The following DCTN6 variants were observed in gnomAD, a reference collection of about 807,000 sequenced individuals.
DCTN6 encodes dynactin 6.
Under a neutral mutation model 25.8 loss-of-function variants are expected in DCTN6, and 15 were observed. The observed-to-expected ratio is 0.58, with a 90% CI of 0.39 to 0.89. DCTN6 has a LOEUF of 0.89. DCTN6 is among the 40% of genes least tolerant of loss of function. The probability of loss-of-function intolerance (pLI) is 0.00; values close to 1 mark genes in which losing one functional copy is unlikely to be tolerated. For missense variants in DCTN6, 198 were observed against 237.6 expected (o/e 0.83, Z 1.09); for synonymous variants, 64 against 78.3 (o/e 0.82, Z 0.96).
chr8:30,158,540 G>A (rs1160452259), intron 1 of DCTN6, among the ~76,000 whole-genome samples: 1 of 151,990 alleles, frequency 6.6e-6, no homozygotes, highest in East Asian at 1.9e-4. Context: ...GATGCCCCAG[G>A]AATGAACTCT....
chr8:30,170,664 CAG>C, intron 2 of DCTN6, among the ~76,000 whole-genome samples: 1 of 150,000 alleles, frequency 6.7e-6, no homozygotes, highest in African/African-American at 2.5e-5. Context: ...TTTTTTGAGA[CAG>C]AGTCTCACTT....
In DCTN6 at chr8:30,162,073, CACAA is replaced by C. The variant is rs1413691047; in HGVS notation, c.24-2034_24-2031del. Among the ~76,000 whole-genome samples the C allele has an allele frequency of 7.4e-5, 11 of 149,464 alleles. No individual in the cohort carries two copies. In the South Asian group the frequency reaches 8.5e-4, roughly 12 times the overall value. On this transcript the variant is annotated intron_variant, in intron 1 of 6. Coordinates refer to ENST00000221114, the MANE Select transcript of DCTN6 (RefSeq NM_006571.4). Reference sequence around the variant, plus strand: ...TAATATTTTTACATAAGCATTCTTGCACAAACATTTACACCTTTCTTTTCTTTTC... The same window carrying C: ...TAATATTTTTACATAAGCATTCTTGCACATTTACACCTTTCTTTTCTTTTC...
chr8:30,174,525 G>A (rs1436257768), intron 2 of DCTN6, among the ~76,000 whole-genome samples: 1 of 151,970 alleles, frequency 6.6e-6, no homozygotes, highest in African/African-American at 2.4e-5. Flanking sequence ...TGGTACAGAT[G>A]GGGTTTCGCC....
At chr8:30,180,660 T>C in intron 6 of DCTN6, 30 bp downstream of exon 6, 3 of 1,608,996 alleles carry the variant, frequency 1.9e-6, no homozygotes, top group Non-Finnish European at 2.5e-6. Context: ...AAAAGAGTTC[T>C]ATCTGCTGAT....
chr8:30,161,722 G>A (rs1803598422), intron 1 of DCTN6, among the ~76,000 whole-genome samples: 1 of 150,118 alleles, frequency 6.7e-6, no homozygotes, highest in Non-Finnish European at 1.5e-5. Context: ...TTTAAAAATA[G>A]ATAGAATAGA....
At chr8:30,178,059 T>G (rs541179631) in intron 4 of DCTN6, among the ~76,000 whole-genome samples, 2 of 152,348 alleles carry the variant, frequency 1.3e-5, no homozygotes, top group African/African-American at 4.8e-5. Flanking sequence ...ATGCATTGTC[T>G]GATTCAAGAA....
intron 5 of DCTN6, 73 bp from the exon 6 acceptor site, chr8:30,180,415 A>G: frequency 1.3e-6 from 2 of 1,546,512 alleles, no homozygotes; most frequent in South Asian, 1.3e-5. Flanking sequence ...TTATACCTAA[A>G]TCACCTTAAG....
chr8:30,175,333 A>G, intron 3 of DCTN6, 143 bp downstream of exon 3: 2 of 653,914 alleles, frequency 3.1e-6, no homozygotes. Flanking sequence ...CTTTTTCAAC[A>G]TAAGTAAATG....
chr8:30,170,696 C>T (rs1283903319), intron 2 of DCTN6, among the ~76,000 whole-genome samples: 1 of 151,536 alleles, frequency 6.6e-6, no homozygotes, highest in African/African-American at 2.4e-5. Context: ...GGCTGGAGTG[C>T]AGTGGCGCAG....
chr8:30,157,266 T>A (rs1803538636), intron 1 of DCTN6, among the ~76,000 whole-genome samples: 1 of 152,226 alleles, frequency 6.6e-6, no homozygotes, highest in South Asian at 2.1e-4. Context: ...AAAGACATGT[T>A]TCCTTTCTTT....
intron 1 of DCTN6, among the ~76,000 whole-genome samples, chr8:30,158,989 C>G (rs910059154): frequency 6.6e-6 from 1 of 152,010 alleles, no homozygotes; most frequent in Non-Finnish European, 1.5e-5. Context: ...ACCATGTTGG[C>G]CAGGCTGATC....
intron 2 of DCTN6, among the ~76,000 whole-genome samples, 178 bp downstream of exon 2, chr8:30,164,353 T>C (rs984804123): frequency 4.6e-5 from 7 of 152,226 alleles, no homozygotes; most frequent in African/African-American, 1.7e-4. Flanking sequence ...TGATGGAGGC[T>C]GTGTTTAAAC....
chr8:30,179,883 G>A (rs1056290267), intron 5 of DCTN6, among the ~76,000 whole-genome samples: 2 of 152,158 alleles, frequency 1.3e-5, no homozygotes, highest in African/African-American at 4.8e-5. Context: ...GGACCAGACA[G>A]GAGATTACCT....
intron 1 of DCTN6, among the ~76,000 whole-genome samples, chr8:30,160,690 T>A (rs1459268750): frequency 6.6e-6 from 1 of 152,238 alleles, no homozygotes; most frequent in Non-Finnish European, 1.5e-5. Context: ...TACATTGTAT[T>A]AGGTATTGTA....
At chr8:30,182,132 G>A (rs1585507439) in intron 6 of DCTN6, among the ~76,000 whole-genome samples, 1 of 152,108 alleles carries the variant, frequency 6.6e-6, no homozygotes, top group East Asian at 1.9e-4. Flanking sequence ...GGGGAAGGGA[G>A]ATTAGAATTA....
chr8:30,181,773 C>T (rs1416804313), intron 6 of DCTN6, among the ~76,000 whole-genome samples: 1 of 151,528 alleles, frequency 6.6e-6, no homozygotes, highest in African/African-American at 2.4e-5. Context: ...ACCTGTAGTC[C>T]CAGCTACTTT....
rs142703056 is a variant in DCTN6, at chr8:30,179,780, G to GA, written c.331+330dup. Among the ~76,000 whole-genome samples, 1,192 of 152,212 alleles carry GA rather than the reference G, an allele frequency of 7.8e-3. 18 individuals are homozygous for GA. The highest frequency in any genetic ancestry group is 0.027 in the African/African-American group (1,123 of 41,520). Reference sequence around the variant, plus strand: ...GTGTTGTTGTAGAATTAAAGGGGGGGAAAAATCAAAGTTTCTGTAGCAGTT... The same window carrying GA: ...GTGTTGTTGTAGAATTAAAGGGGGGGAAAAAATCAAAGTTTCTGTAGCAGTT... On this transcript the variant is annotated intron_variant, in intron 5 of 6. Transcript: ENST00000221114.
At chr8:30,162,327 G>C (rs1300280473) in intron 1 of DCTN6, among the ~76,000 whole-genome samples, 1 of 151,946 alleles carries the variant, frequency 6.6e-6, no homozygotes, top group African/African-American at 2.4e-5. Flanking sequence ...CTGACCTCAA[G>C]TGATCCACCC....
chr8:30,157,804 A>C (rs1202337080), intron 1 of DCTN6, among the ~76,000 whole-genome samples: 1 of 152,184 alleles, frequency 6.6e-6, no homozygotes, highest in African/African-American at 2.4e-5. Flanking sequence ...AAGAAAACTG[A>C]CATTGTTTCT....
Sources: gnomAD v4.1 joint callset for allele counts (sites outside exome capture counted in the v4.1 genomes callset) on GRCh38, gnomAD v4.1.1 for gene constraint, MANE v1.5 for transcripts, NCBI Gene and HGNC (gene_info 2026-07-23, HGNC 2026-07-21) for gene names.